Variants in ANKRD62 observed in about 807,000 individuals in gnomAD.
The protein encoded by ANKRD62 is ankyrin repeat domain 62.
In ANKRD62, 61 loss-of-function variants were observed where a neutral mutation model predicts 98.8. That is an observed-to-expected ratio of 0.62 (90% CI 0.50 to 0.76). The LOEUF (loss-of-function observed/expected upper bound fraction) is 0.76, where lower values mean the gene tolerates loss of function less well. Ranked by LOEUF, ANKRD62 falls within the 30% of genes least tolerant of loss-of-function variation. ANKRD62 has a pLI of 0.00. For synonymous variants in ANKRD62, 341 were observed against 367.9 expected (o/e 0.93, Z 0.84); for missense variants, 933 against 1,082.9 (o/e 0.86, Z 1.94).
intron 7 of ANKRD62, among the ~76,000 whole-genome samples, chr18:12,105,588 G>A (rs903206028): frequency 6.6e-6 from 1 of 152,086 alleles, no homozygotes; most frequent in Non-Finnish European, 1.5e-5. Context: ...GATTTACAGG[G>A]CCACTTGCTG....
At chr18:12,136,112 C>G in the ANKRD62 span, among the ~76,000 whole-genome samples, 16 of 152,016 alleles carry the variant, frequency 1.1e-4, no homozygotes, top group Admixed American at 1.0e-3. Flanking sequence ...TCATGAAGTC[C>G]TTGCCCATGC....
At chr18:12,109,474 T>C (rs925386236) in intron 8 of ANKRD62, among the ~76,000 whole-genome samples, 1 of 152,210 alleles carries the variant, frequency 6.6e-6, no homozygotes, top group East Asian at 1.9e-4. Context: ...TTTGTCGGAA[T>C]ACAATACTGT....
the ANKRD62 span, among the ~76,000 whole-genome samples, chr18:12,165,898 T>A: frequency 6.6e-6 from 1 of 152,126 alleles, no homozygotes; most frequent in Non-Finnish European, 1.5e-5. Flanking sequence ...TTTTGCCAGA[T>A]ATACTATTCT....
intron 8 of ANKRD62, among the ~76,000 whole-genome samples, chr18:12,108,887 GA>G (rs1909474106): frequency 6.6e-6 from 1 of 152,196 alleles, no homozygotes; most frequent in African/African-American, 2.4e-5. Context: ...GATCTCCTTT[GA>G]CTCCATTTCT....
At chr18:12,179,121 AG>A in the ANKRD62 span, among the ~76,000 whole-genome samples, 1 of 151,046 alleles carries the variant, frequency 6.6e-6, no homozygotes, top group Non-Finnish European at 1.5e-5. Flanking sequence ...CCACATCCAC[AG>A]GAAGTCACAA....
chr18:12,141,315 GC>G, the ANKRD62 span, among the ~76,000 whole-genome samples: 4 of 152,206 alleles, frequency 2.6e-5, no homozygotes, highest in East Asian at 7.7e-4. Flanking sequence ...GTGAGGTGAT[GC>G]CTCGCCCTGC....
At chr18:12,154,153 C>A in the ANKRD62 span, among the ~76,000 whole-genome samples, 1 of 152,034 alleles carries the variant, frequency 6.6e-6, no homozygotes, top group Non-Finnish European at 1.5e-5. Context: ...AAACTATCAA[C>A]AGAACAAACA....
At chr18:12,097,589 A>C (rs1284540220) in intron 4 of ANKRD62, 51 bp from the exon 5 acceptor site, 1 of 1,490,418 alleles carries the variant, frequency 6.7e-7, no homozygotes, top group East Asian at 2.5e-5. Flanking sequence ...TTTAGCTTTT[A>C]ACATAGCTTT....
At chr18:12,116,441 C>A (rs1220914544) in intron 10 of ANKRD62, among the ~76,000 whole-genome samples, 1 of 152,148 alleles carries the variant, frequency 6.6e-6, no homozygotes, top group African/African-American at 2.4e-5. Flanking sequence ...GTTTCATGCA[C>A]AAAATTATTA....
At chr18:12,106,726 T>C (rs1909420191) in intron 7 of ANKRD62, among the ~76,000 whole-genome samples, 1 of 152,170 alleles carries the variant, frequency 6.6e-6, no homozygotes, top group South Asian at 2.1e-4. Context: ...CACTCTGCTT[T>C]TGTGGTTTCA....
At chr18:12,166,704 T>C in the ANKRD62 span, among the ~76,000 whole-genome samples, 19 of 152,296 alleles carry the variant, frequency 1.2e-4, no homozygotes, top group Admixed American at 9.8e-4. Flanking sequence ...TTTATCATTG[T>C]TTGGGCATTG....
At position 12,095,651 on chromosome 18, in the gene ANKRD62, ATTTGT is replaced by A. The variant is rs1319322620; in HGVS notation, c.507+45_507+49del. On this transcript the variant is annotated intron_variant, in intron 3 of 13. Transcript: ENST00000587848. ...GTTCTTTTCAAAGTATTTCAAGTAT[ATTTGT>A]TTTACCATTGACATATGATTTTTTT... 14 of 1,430,330 alleles carry A rather than the reference ATTTGT, an allele frequency of 9.8e-6. No individual in the cohort carries two copies. The Admixed American group carries it at 1.4e-4, about 15-fold the overall frequency. 88.6% of individuals were successfully genotyped at this position (1,430,330 alleles called of 1,614,324 possible). A position where few individuals can be genotyped will look rare whatever the true frequency, so the allele number is the denominator to read the frequency against.
At chr18:12,125,352 A>C in intron 12 of ANKRD62, 108 bp from the exon 13 acceptor site, 3 of 1,049,152 alleles carry the variant, frequency 2.9e-6, no homozygotes, top group Non-Finnish European at 3.7e-6. Context: ...CCAGATGGCA[A>C]CTCTTTCATT....
the ANKRD62 span, among the ~76,000 whole-genome samples, chr18:12,154,625 C>T: frequency 1.3e-5 from 2 of 152,134 alleles, no homozygotes; most frequent in Admixed American, 1.3e-4. Context: ...TGTGTACGTA[C>T]CCAGAGAAAT....
chr18:12,152,975 CAG>C, the ANKRD62 span, among the ~76,000 whole-genome samples: 2 of 152,174 alleles, frequency 1.3e-5, no homozygotes, highest in African/African-American at 4.8e-5. Context: ...TACACAAAAT[CAG>C]TGTACAAAAA....
At chr18:12,140,308 C>T in the ANKRD62 span, among the ~76,000 whole-genome samples, 3 of 152,102 alleles carry the variant, frequency 2.0e-5, no homozygotes, top group Admixed American at 6.5e-5. Context: ...TCCTGTAGCT[C>T]GGAGTAGTTT....
At chr18:12,112,329 G>A (rs1016691992) in intron 8 of ANKRD62, among the ~76,000 whole-genome samples, 1 of 152,106 alleles carries the variant, frequency 6.6e-6, no homozygotes, top group African/African-American at 2.4e-5. Context: ...ATACTACAGA[G>A]TTACAGAAAC....
chr18:12,152,259 C>T, the ANKRD62 span, among the ~76,000 whole-genome samples: 1 of 151,080 alleles, frequency 6.6e-6, no homozygotes, highest in Admixed American at 6.6e-5. Context: ...CTCCTGATAC[C>T]GAAACCTGCA....
the ANKRD62 span, among the ~76,000 whole-genome samples, chr18:12,159,034 G>A: frequency 6.6e-6 from 1 of 152,100 alleles, no homozygotes; most frequent in Admixed American, 6.5e-5. Flanking sequence ...AAAGTTTAAA[G>A]CTGGACATCT....
Sources: allele counts gnomAD v4.1 joint callset (sites outside exome capture counted in the v4.1 genomes callset), GRCh38; gene constraint gnomAD v4.1.1; transcripts MANE v1.5; gene names NCBI Gene and HGNC (gene_info 2026-07-23, HGNC 2026-07-21).